The following NLGN1 variants were observed in gnomAD, a reference collection of about 807,000 sequenced individuals.
NLGN1 encodes neuroligin 1, also known as neuroligin-1.
A neutral mutation model predicts 65.5 loss-of-function variants in NLGN1; 12 were observed. The observed-to-expected ratio is 0.18, with a 90% CI of 0.12 to 0.30. The LOEUF is 0.30. NLGN1 is among the 10% of genes least tolerant of loss of function. NLGN1 has a pLI of 1.00. For synonymous variants in NLGN1, 350 were observed against 359.5 expected (o/e 0.97, Z 0.30); for missense variants, 750 against 1,007.1 (o/e 0.74, Z 3.46).
At chr3:173,997,979 A>T (rs958162797) in intron 4 of NLGN1, among the ~76,000 whole-genome samples, 1 of 152,102 alleles carries the variant, frequency 6.6e-6, no homozygotes, top group Non-Finnish European at 1.5e-5. Context: ...TTGTCAGTAC[A>T]CTGGGCAACA....
chr3:173,796,070 G>A (rs886492997), intron 3 of NLGN1, among the ~76,000 whole-genome samples: 3 of 152,062 alleles, frequency 2.0e-5, no homozygotes, highest in Middle Eastern at 3.2e-3. Flanking sequence ...TTTCTAAGTC[G>A]GGAGCTAATA....
chr3:174,218,554 G>A (rs1738071174), intron 4 of NLGN1, among the ~76,000 whole-genome samples: 1 of 151,844 alleles, frequency 6.6e-6, no homozygotes, highest in Non-Finnish European at 1.5e-5. Flanking sequence ...ACCTCATAAT[G>A]GTATTATAGT....
chr3:173,478,711 A>G (rs589832), intron 2 of NLGN1, among the ~76,000 whole-genome samples: 120,993 of 151,782 alleles, frequency 0.8, 49,151 homozygotes, highest in East Asian at 0.97. Context: ...ACATGAGGCC[A>G]GGAGTTCGAG....
At chr3:173,605,665 G>A in intron 3 of NLGN1, 72 bp downstream of exon 3, 1 of 695,900 alleles carries the variant, frequency 1.4e-6, no homozygotes, top group Non-Finnish European at 2.2e-6. Flanking sequence ...TCTCCCTAAG[G>A]ATGATTTGCT....
chr3:174,013,393 T>C (rs2152445134), intron 4 of NLGN1, among the ~76,000 whole-genome samples: 1 of 152,270 alleles, frequency 6.6e-6, no homozygotes, highest in South Asian at 2.1e-4. Context: ...CAAAACTGGC[T>C]GAAATGAAAA....
chr3:174,195,151 G>GC, intron 4 of NLGN1, among the ~76,000 whole-genome samples: 1 of 152,122 alleles, frequency 6.6e-6, no homozygotes, highest in South Asian at 2.1e-4. Flanking sequence ...ATGAGCCACC[G>GC]CCCCCAGCCA....
chr3:174,201,455 C>G (rs1734490845), intron 4 of NLGN1, among the ~76,000 whole-genome samples: 1 of 130,774 alleles, frequency 7.6e-6, no homozygotes, highest in Admixed American at 7.9e-5. Context: ...TCCTAATGTC[C>G]TATTTACTTA....
intron 2 of NLGN1, among the ~76,000 whole-genome samples, chr3:173,578,151 G>T (rs1458139455): frequency 1.3e-5 from 2 of 151,298 alleles, no homozygotes; most frequent in Non-Finnish European, 2.9e-5. Context: ...CAGGAGAATG[G>T]CATGAACCCG....
chr3:173,625,020 A>G (rs1035536858), intron 3 of NLGN1, among the ~76,000 whole-genome samples: 5 of 152,046 alleles, frequency 3.3e-5, no homozygotes, highest in African/African-American at 1.2e-4. Context: ...TGAGTGAAAT[A>G]TTGTTAACTC....
At chr3:173,820,528 T>A (rs1253021320) in intron 4 of NLGN1, among the ~76,000 whole-genome samples, 2 of 152,186 alleles carry the variant, frequency 1.3e-5, no homozygotes, top group Non-Finnish European at 2.9e-5. Context: ...TCTATAACTG[T>A]GGATAGTACA....
intron 4 of NLGN1, among the ~76,000 whole-genome samples, chr3:174,155,665 T>C (rs1287001994): frequency 6.6e-6 from 1 of 151,910 alleles, no homozygotes; most frequent in Non-Finnish European, 1.5e-5. Flanking sequence ...AAAGATGCCT[T>C]ATATTGCAGA....
At chr3:173,909,104 A>G (rs1314415676) in intron 4 of NLGN1, among the ~76,000 whole-genome samples, 3 of 152,120 alleles carry the variant, frequency 2.0e-5, no homozygotes, top group Admixed American at 1.3e-4. Flanking sequence ...GATTAACATT[A>G]TTCATTTTAA....
rs7617364 is a variant in NLGN1 at position 173,739,773 on chromosome 3, G to A, written c.494-67907G>A. Among the ~76,000 whole-genome samples the A allele has an allele frequency of 3.6e-3, 549 of 152,170 alleles. 4 individuals are homozygous for A. Among genetic ancestry groups the A allele is most frequent in the African/African-American group, 0.012 (517 of 41,544 alleles). Reference sequence around the variant, plus strand: ...TTCTTCCTAGTACTCTAGAGTTTCAGTTAACCATCCTCAGTAAATAAACCA... The same window carrying A: ...TTCTTCCTAGTACTCTAGAGTTTCAATTAACCATCCTCAGTAAATAAACCA... On this transcript the variant is annotated intron_variant, in intron 3 of 6. Transcript: ENST00000457714.
At chr3:173,972,168 G>A (rs1287905839) in intron 4 of NLGN1, among the ~76,000 whole-genome samples, 1 of 152,130 alleles carries the variant, frequency 6.6e-6, no homozygotes, top group African/African-American at 2.4e-5. Context: ...AATGGGAGAG[G>A]AGAGAGTAAG....
chr3:174,179,224 T>C (rs1451151079), intron 4 of NLGN1, among the ~76,000 whole-genome samples: 1 of 152,146 alleles, frequency 6.6e-6, no homozygotes, highest in East Asian at 1.9e-4. Flanking sequence ...TAAATTGAGT[T>C]CTTGGCCACA....
chr3:174,283,058 A>G (rs889301339), exon 7 of NLGN1: 3 of 151,986 alleles, frequency 2.0e-5, no homozygotes, highest in Non-Finnish European at 4.4e-5. Flanking sequence ...GTCCAATGCT[A>G]AGAAACATGA....
At chr3:173,410,186 T>G (rs987995819) in intron 1 of NLGN1, among the ~76,000 whole-genome samples, 1 of 152,230 alleles carries the variant, frequency 6.6e-6, no homozygotes, top group Non-Finnish European at 1.5e-5. Context: ...GTGTCATTCC[T>G]TCACCAGGCT....
At chr3:173,908,082 T>G (rs1676452966) in intron 4 of NLGN1, among the ~76,000 whole-genome samples, 2 of 152,310 alleles carry the variant, frequency 1.3e-5, no homozygotes, top group South Asian at 4.1e-4. Flanking sequence ...CAGGACAACT[T>G]TTATAAAAAT....
chr3:173,593,732 A>T (rs1748949830), intron 2 of NLGN1, among the ~76,000 whole-genome samples: 1 of 152,186 alleles, frequency 6.6e-6, no homozygotes, highest in African/African-American at 2.4e-5. Context: ...GTCTGTTTTC[A>T]TGCTGCTGAT....
Sources: gnomAD v4.1 joint callset for allele counts (sites outside exome capture counted in the v4.1 genomes callset) on GRCh38, gnomAD v4.1.1 for gene constraint, MANE v1.5 for transcripts, NCBI Gene and HGNC (gene_info 2026-07-23, HGNC 2026-07-21) for gene names.